STAU2: variants seen among roughly 807,000 people sequenced by gnomAD.
STAU2 encodes the protein staufen double-stranded RNA binding protein 2.
In STAU2, 20 loss-of-function variants were observed where a neutral mutation model predicts 65.9. The observed-to-expected ratio is 0.30, with a 90% CI of 0.21 to 0.44. The LOEUF (loss-of-function observed/expected upper bound fraction) is 0.44, where lower values mean the gene tolerates loss of function less well. Among genes scored for constraint, STAU2 ranks in the 20% least tolerant of loss-of-function variants. The pLI is 1.00. For synonymous variants in STAU2, 232 were observed against 233.9 expected, an observed-to-expected ratio of 0.99 and a Z score of 0.07; for missense variants, 558 against 683.9, an observed-to-expected ratio of 0.82 and a Z score of 2.05.
rs1807018281 is a variant in STAU2 at position 73,743,336 on chromosome 8, T to TATC, written c.-197+3444_-197+3446dup. Among the ~76,000 whole-genome samples, 3 of 152,152 alleles carry TATC rather than the reference T, an allele frequency of 2.0e-5. No homozygotes were observed. In the South Asian group the frequency reaches 6.2e-4, roughly 31 times the overall value. ...CCTCATCATCTTGGGATGTAGGCAT[T>TATC]ATCTCCATTTTTCTAGAGGTTGGGT... On this transcript the variant is annotated intron_variant, in intron 1 of 14. Coordinates refer to ENST00000524300, the MANE Select transcript of STAU2 (RefSeq NM_001164380.2).
rs567581642 is a variant in STAU2, at chr8:73,697,083, T to C, written c.115-8270A>G. On this transcript the variant is annotated intron_variant, in intron 4 of 14. Coordinates refer to ENST00000524300, the MANE Select transcript of STAU2 (RefSeq NM_001164380.2). Reference sequence around the variant, plus strand: ...TTTTGTTTTGTTTTGAAACAGAGTCTCACTCTGTCACCCAGGCTGGAATGC... The same window carrying C: ...TTTTGTTTTGTTTTGAAACAGAGTCCCACTCTGTCACCCAGGCTGGAATGC... Among the ~76,000 whole-genome samples, 53 of 151,774 alleles carry C rather than the reference T, an allele frequency of 3.5e-4. No individual in the cohort carries two copies. The South Asian group carries it at 4.0e-3, about 11-fold the overall frequency.
At chr8:73,450,716 T>C (rs2128894953) in intron 13 of STAU2, among the ~76,000 whole-genome samples, 1 of 152,310 alleles carries the variant, frequency 6.6e-6, no homozygotes, top group African/African-American at 2.4e-5. Flanking sequence ...CTGCCTTCAA[T>C]CTTGGGTGTG....
intron 11 of STAU2, among the ~76,000 whole-genome samples, chr8:73,588,314 T>C (rs528150255): frequency 1.3e-5 from 2 of 152,178 alleles, no homozygotes; most frequent in Non-Finnish European, 2.9e-5. Flanking sequence ...TGAATGTAAG[T>C]AAGAAGAAAG....
intron 13 of STAU2, among the ~76,000 whole-genome samples, chr8:73,434,789 T>C (rs1817572846): frequency 6.6e-6 from 1 of 151,940 alleles, no homozygotes; most frequent in Non-Finnish European, 1.5e-5. Flanking sequence ...TTCAATTTCC[T>C]TTGTATTTTT....
chr8:73,564,910 G>A (rs575572296), intron 12 of STAU2, among the ~76,000 whole-genome samples: 156 of 151,436 alleles, frequency 1.0e-3, no homozygotes, highest in Admixed American at 2.6e-3. Context: ...TATGGGTGTC[G>A]TGTGTGTGTG....
intron 11 of STAU2, among the ~76,000 whole-genome samples, chr8:73,585,352 T>C (rs1278957347): frequency 1.3e-5 from 2 of 152,200 alleles, no homozygotes; most frequent in African/African-American, 4.8e-5. Flanking sequence ...TGGTGGCCCA[T>C]GCCGGTAATC....
intron 3 of STAU2, among the ~76,000 whole-genome samples, chr8:73,712,712 T>A (rs922789603): frequency 1.3e-5 from 2 of 152,186 alleles, no homozygotes; most frequent in African/African-American, 4.8e-5. Context: ...CCCAGTACAT[T>A]GGGAGGCAGA....
At position 73,505,494 on chromosome 8, in the gene STAU2, A is replaced by G. The variant is rs2128921865; in HGVS notation, c.1530+46518T>C. On this transcript the variant is annotated intron_variant, in intron 13 of 14. Coordinates refer to ENST00000524300, the MANE Select transcript of STAU2 (RefSeq NM_001164380.2). ...TCAAGTCCTGAGGCTTGAGTCCAAG[A>G]GGACCCCCTGAGACATGGAAGGTTT... is the stretch of plus-strand genomic sequence containing the variant. 2.0e-5 allele frequency among the ~76,000 whole-genome samples: 3 copies of G among 152,214 alleles called. 1 individual carries two copies. In the South Asian group the frequency reaches 6.2e-4, roughly 32 times the overall value.
At chr8:73,524,081 A>G (rs1381743950) in intron 13 of STAU2, among the ~76,000 whole-genome samples, 1 of 152,182 alleles carries the variant, frequency 6.6e-6, no homozygotes, top group Non-Finnish European at 1.5e-5. Flanking sequence ...ACAGTGGAGC[A>G]AAGGTAGAAA....
At chr8:73,489,996 G>A (rs946693513) in intron 13 of STAU2, among the ~76,000 whole-genome samples, 4 of 152,006 alleles carry the variant, frequency 2.6e-5, no homozygotes, top group African/African-American at 9.7e-5. Context: ...GACATCTGCA[G>A]TTTAAAAAAA....
intron 12 of STAU2, among the ~76,000 whole-genome samples, chr8:73,564,695 G>T (rs1170117971): frequency 6.6e-6 from 1 of 151,968 alleles, no homozygotes; most frequent in Admixed American, 6.6e-5. Context: ...ATACTCAGTG[G>T]GTCCTCAAAT....
At chr8:73,534,944 C>A (rs1364479854) in intron 13 of STAU2, among the ~76,000 whole-genome samples, 1 of 152,184 alleles carries the variant, frequency 6.6e-6, no homozygotes, top group East Asian at 1.9e-4. Context: ...TTGGAATTAT[C>A]TTTTCTCTCT....
chr8:73,670,223 T>G (rs1817572338), intron 6 of STAU2, among the ~76,000 whole-genome samples: 1 of 152,116 alleles, frequency 6.6e-6, no homozygotes, highest in Admixed American at 6.6e-5. Flanking sequence ...GACACCAAGC[T>G]GAGGGCTGGG....
chr8:73,672,637 A>G (rs546022646), intron 6 of STAU2, among the ~76,000 whole-genome samples: 1 of 152,356 alleles, frequency 6.6e-6, no homozygotes, highest in East Asian at 1.9e-4. Flanking sequence ...TGTAAAGTAC[A>G]TGAAAATATA....
At chr8:73,651,834 A>G (rs1239726404) in intron 6 of STAU2, among the ~76,000 whole-genome samples, 1 of 152,252 alleles carries the variant, frequency 6.6e-6, no homozygotes, top group African/African-American at 2.4e-5. Flanking sequence ...AGGTCTGTGC[A>G]GATTGCACCT....
At chr8:73,741,793 G>A (rs1487401670) in intron 1 of STAU2, among the ~76,000 whole-genome samples, 5 of 152,182 alleles carry the variant, frequency 3.3e-5, no homozygotes, top group Non-Finnish European at 5.9e-5. Flanking sequence ...GATTACAGGC[G>A]TGAGCCACCA....
At chr8:73,737,794 A>G (rs1479565522) in intron 3 of STAU2, among the ~76,000 whole-genome samples, 3 of 152,124 alleles carry the variant, frequency 2.0e-5, no homozygotes, top group Non-Finnish European at 1.5e-5. Context: ...AGAAACGTCA[A>G]GAACTAAGAA....
Position 73,626,962 on chromosome 8 carries a change from TCAGA to T in STAU2, c.411-9515_411-9512del, listed in dbSNP as rs201580195. Among the ~76,000 whole-genome samples the T allele has an allele frequency of 9.3e-3, 1,407 of 151,960 alleles. 18 individuals are homozygous for T. Among genetic ancestry groups the T allele is most frequent in the Middle Eastern group, 0.065 (19 of 294 alleles). ...ACCCTATTTCTTGCCCTCCTGGTGG[TCAGA>T]CAGTGTGTGGCAGAAGCAGTAAGAT... On this transcript the variant is annotated intron_variant, in intron 6 of 14. Coordinates refer to ENST00000524300, the MANE Select transcript of STAU2 (RefSeq NM_001164380.2).
chr8:73,421,635 G>A (rs1407271741), intron 14 of STAU2, among the ~76,000 whole-genome samples, 170 bp from the exon 15 acceptor site: 2 of 152,214 alleles, frequency 1.3e-5, no homozygotes, highest in Non-Finnish European at 2.9e-5. Flanking sequence ...ATGTGGAAAT[G>A]TTTTTGATTA....
Sources: allele counts gnomAD v4.1 joint callset (sites outside exome capture counted in the v4.1 genomes callset), GRCh38; gene constraint gnomAD v4.1.1; transcripts MANE v1.5; gene names NCBI Gene and HGNC (gene_info 2026-07-23, HGNC 2026-07-21).